DENND6B: variants seen among roughly 807,000 people sequenced by gnomAD.
The protein encoded by DENND6B is DENN domain containing 6B, also known as protein DENND6B.
A neutral mutation model predicts 85.1 loss-of-function variants in DENND6B; 73 were observed. That is an observed-to-expected ratio of 0.86 (90% CI 0.71 to 1.04). The LOEUF is 1.04. DENND6B is among the 50% of genes least tolerant of loss of function. The probability of loss-of-function intolerance (pLI) is 0.00; values close to 1 mark genes in which losing one functional copy is unlikely to be tolerated. For missense variants in DENND6B, 715 were observed against 785.8 expected (o/e 0.91, Z 1.08); for synonymous variants, 357 against 329.3 (o/e 1.08, Z -0.91).
chr22:50,315,388 G>A (rs143698089), intron 9 of DENND6B, among the ~76,000 whole-genome samples: 63 of 152,334 alleles, frequency 4.1e-4, no homozygotes, highest in African/African-American at 1.4e-3. Context: ...TCTCCTGACA[G>A]CCTCTCCTTG....
In DENND6B at chr22:50,318,970, T is replaced by C. The variant is rs2041950532; in HGVS notation, c.211A>G (p.Lys71Glu). The C allele has an allele frequency of 1.2e-6, 2 of 1,606,912 alleles. No homozygotes were observed. Among genetic ancestry groups the C allele is most frequent in the African/African-American group, 1.3e-5 (1 of 74,832 alleles). Residue 71 changes from lysine (K) to glutamate (E), a missense_variant, in exon 2 of 20, where the codon AAG (lysine) becomes GAG (glutamate). By Grantham distance (56) the Lys-to-Glu change is moderately conservative. Transcript: ENST00000413817. ...VYPNDFRLTD[K>E]EKSSICYLSF... ...CCAAGAGGGCCGGGACTCACCTCCT[T>C]GTCTGTGAGCCGGAAGTCGTTCGGA...
At position 50,318,973 on chromosome 22, in the gene DENND6B, C is replaced by G; in HGVS notation, c.208G>C (p.Asp70His). The G allele has an allele frequency of 6.2e-7, 1 of 1,606,368 alleles. No homozygotes were observed. Among genetic ancestry groups the G allele is most frequent in the Non-Finnish European group, 8.5e-7 (1 of 1,176,610 alleles). Residue 70 changes from aspartate to histidine, a missense_variant, in exon 2 of 20, where the codon GAC becomes CAC. Physicochemically the swap from Asp to His is moderately conservative, Grantham distance 81. Coordinates refer to ENST00000413817, the MANE Select transcript of DENND6B (RefSeq NM_001001794.4). The part of the protein sequence containing the change: ...LVYPNDFRLT[D>H]KEKSSICYLS... ...AGAGGGCCGGGACTCACCTCCTTGT[C>G]TGTGAGCCGGAAGTCGTTCGGATAC...
chr22:50,315,179 C>T (rs1422330362), intron 9 of DENND6B: 7 of 509,054 alleles, frequency 1.4e-5, no homozygotes, highest in East Asian at 1.2e-4. Context: ...CCAGCCATCC[C>T]GAAGTGGCCC....
Position 50,314,615 on chromosome 22 carries a change from TGC to T in DENND6B, c.965_966del (p.Arg322HisfsTer40). The stretch of plus-strand genomic sequence containing the variant: ...AGAGGCGGCACTTACGGGGCCTGCG[TGC>T]GTGTGGTGAACTCCTTGAACTCGCT... Reference protein sequence around the residue: ...HDSEFKEFTTRTQAPPNVVLG... With the variant: ...HDSEFKEFTTXTQAPPNVVLG... On this transcript the variant is annotated frameshift_variant, in exon 11 of 20. Coordinates refer to ENST00000413817, the MANE Select transcript of DENND6B (RefSeq NM_001001794.4). LOFTEE classifies it high-confidence loss of function. The T allele has an allele frequency of 6.4e-7, 1 of 1,562,454 alleles. No homozygotes were observed. Among genetic ancestry groups the T allele is most frequent in the Non-Finnish European group, 8.7e-7 (1 of 1,153,820 alleles).
At chr22:50,321,546 T>C (rs544048628) in intron 1 of DENND6B, among the ~76,000 whole-genome samples, 89 of 151,732 alleles carry the variant, frequency 5.9e-4, no homozygotes, top group African/African-American at 2.1e-3. Flanking sequence ...TATTTTTTAG[T>C]AGAGACAGGG....
At chr22:50,321,554 G>A (rs1264790140) in intron 1 of DENND6B, among the ~76,000 whole-genome samples, 1 of 151,910 alleles carries the variant, frequency 6.6e-6, no homozygotes, top group African/African-American at 2.4e-5. Flanking sequence ...AGTAGAGACA[G>A]GGCTTCACCA....
Position 50,326,782 on chromosome 22 carries a change from C to CCGCCCGCGCCCG in DENND6B, c.177+18_177+29dup, listed in dbSNP as rs531942009. The CCGCCCGCGCCCG allele has an allele frequency of 5.2e-6, 7 of 1,354,200 alleles. No individual in the cohort carries two copies. The East Asian group carries it at 1.9e-4, about 37-fold the overall frequency. The allele number at this position is 1,354,200 out of a possible 1,614,324, so 83.9% of individuals were successfully genotyped here. A position where few individuals can be genotyped will look rare whatever the true frequency, so the allele number is the denominator to read the frequency against. On this transcript the variant is annotated intron_variant, in intron 1 of 19. Transcript: ENST00000413817. ...CCCCGAGAGGCGCAGCCCTGCCCAC[C>CCGCCCGCGCCCG]CGCCCGCGCCCGCGCTCGCGCCCGC...
In DENND6B at chr22:50,313,912, C is replaced by T. The variant is rs1308310129; in HGVS notation, c.1139-34G>A. The T allele has an allele frequency of 1.9e-6, 3 of 1,580,286 alleles. No individual in the cohort carries two copies. The South Asian group carries it at 3.5e-5, about 18-fold the overall frequency. On this transcript the variant is annotated intron_variant, in intron 13 of 19. Coordinates refer to ENST00000413817, the MANE Select transcript of DENND6B (RefSeq NM_001001794.4). ...AGGGCACAGCTGGCGCCCCACCCTT[C>T]AAGGGCCTCCCTCCCACACTCCTGC...
Position 50,312,981 on chromosome 22 carries a change from C to T in DENND6B, c.1457+18G>A. On this transcript the variant is annotated intron_variant, in intron 17 of 19. Transcript: ENST00000413817. ...GACCAAGGAGGGCTCAAGCTGCCTG[C>T]ACCTGCAGTCCACGCACCTGTAGAG... The T allele has an allele frequency of 3.2e-6, 5 of 1,544,532 alleles. No individual in the cohort carries two copies. The highest frequency in any genetic ancestry group is 1.2e-5 in the South Asian group (1 of 83,830).
At chr22:50,313,145 G>A (rs367677554) in intron 16 of DENND6B, 37 bp from the exon 17 acceptor site, 53 of 1,526,654 alleles carry the variant, frequency 3.5e-5, no homozygotes, top group Middle Eastern at 3.4e-4. Context: ...GTGGGAACTC[G>A]GCCTCACAGG....
At chr22:50,326,470 G>A (rs1179484318) in intron 1 of DENND6B, among the ~76,000 whole-genome samples, 1 of 152,242 alleles carries the variant, frequency 6.6e-6, no homozygotes, top group Non-Finnish European at 1.5e-5. Context: ...GGGTAAGCCC[G>A]GGACTCTGGC....
intron 1 of DENND6B, among the ~76,000 whole-genome samples, chr22:50,322,222 C>A (rs1601834496): frequency 6.6e-6 from 1 of 151,750 alleles, no homozygotes; most frequent in South Asian, 2.1e-4. Flanking sequence ...CTACAGGCGC[C>A]CGCCACCATG....
rs559435828 is a variant in DENND6B, at chr22:50,313,710, C to T, written c.1218G>A (p.Lys406=). The change falls in exon 15 of 20, where the codon AAG becomes AAA. Residue 406 remains lysine, a synonymous_variant. Transcript: ENST00000413817. ...LKRLLKGVQK[K]RPSDVQSALL... is the part of the protein sequence containing the mutation. ...GGGCGCTCTGCACATCTGACGGCCG[C>T]TTCTTCTGCACGCCCTGCAGGGGAG... 2.1e-5 allele frequency: 34 copies of T among 1,602,646 alleles called. No individual in the cohort carries two copies. In the East Asian group the frequency reaches 7.0e-4, roughly 33 times the overall value.
chr22:50,315,897 G>A, intron 8 of DENND6B, 128 bp from the exon 9 acceptor site: 2 of 1,535,044 alleles, frequency 1.3e-6, no homozygotes. Context: ...ACAGCCTGTG[G>A]CTTTGCCTGG....
At chr22:50,316,730 C>T (rs761246322) in intron 5 of DENND6B, 23 of 1,420,202 alleles carry the variant, frequency 1.6e-5, no homozygotes, top group African/African-American at 5.8e-5. Flanking sequence ...GGGAAACGCA[C>T]GGTGGCCAGA....
In DENND6B at chr22:50,314,712, G is replaced by T. The variant is rs774448467; in HGVS notation, c.882-12C>A. ...GGGGCTGCAGGCAGCTGTGGGCAGA[G>T]GCAGCAGGGAGCAGGTGAGGCAGGG... On this transcript the variant is annotated splice_polypyrimidine_tract_variant and intron_variant, in intron 10 of 19. Transcript: ENST00000413817. The T allele has an allele frequency of 1.3e-6, 2 of 1,567,910 alleles. No individual in the cohort carries two copies. Among genetic ancestry groups the T allele is most frequent in the Non-Finnish European group, 1.7e-6 (2 of 1,157,260 alleles).
intron 5 of DENND6B, chr22:50,317,045 CGGGGGGCCGCGAGGACAGGGTGG>C: frequency 7.7e-6 from 1 of 130,040 alleles, no homozygotes; most frequent in Non-Finnish European, 1.4e-5. Flanking sequence ...GAGGACAGGG[CGGGGGGCCGCGAGGACAGGGTGG>C]GGGGGGGCGG....
chr22:50,315,643 C>T, intron 9 of DENND6B, 71 bp downstream of exon 9: 1 of 1,454,550 alleles, frequency 6.9e-7, no homozygotes, highest in Non-Finnish European at 9.4e-7. Flanking sequence ...CAGATGCACA[C>T]ATGCACGTAC....
chr22:50,322,046 T>TA (rs34878722), intron 1 of DENND6B, among the ~76,000 whole-genome samples: 62 of 145,974 alleles, frequency 4.2e-4, no homozygotes, highest in African/African-American at 5.1e-4. Context: ...TAACCAATAT[T>TA]AAAAAAAAAA....
Sources: allele counts gnomAD v4.1 joint callset (sites outside exome capture counted in the v4.1 genomes callset), GRCh38; gene constraint gnomAD v4.1.1; transcripts MANE v1.5; gene names NCBI Gene and HGNC (gene_info 2026-07-23, HGNC 2026-07-21).